Variants in PABIR1 observed in about 807,000 individuals in gnomAD.
PABIR1 encodes PP2A Aalpha (PPP2R1A) and B55A (PPP2R2A) interacting phosphatase regulator 1, also known as PPP2R1A-PPP2R2A-interacting phosphatase regulator 1.
PABIR1 carries 2 observed loss-of-function variants against 14.6 expected under a neutral mutation model. The ratio of observed to expected loss-of-function variants is 0.14; its 90% confidence interval spans 0.06 to 0.43. The LOEUF (loss-of-function observed/expected upper bound fraction) is 0.43. PABIR1 is among the 20% of genes least tolerant of loss of function. The pLI, the probability that PABIR1 is intolerant of heterozygous loss-of-function variation, is 0.99. For synonymous variants in PABIR1, 163 were observed against 155.4 expected (o/e 1.05, Z -0.36); for missense variants, 294 against 379.0 (o/e 0.78, Z 1.86).
At position 68,783,082 on chromosome 9, in the gene PABIR1, A is replaced by G. The variant is rs1831391142; in HGVS notation, c.*2054A>G. On this transcript the variant is annotated 3_prime_UTR_variant, in exon 1 of 1. Coordinates refer to ENST00000394264, the MANE Select transcript of PABIR1 (RefSeq NM_138333.5). ...TCTGTCTCCTTTTGGTTCAGTCTTT[A>G]TACTGCCTCTTGAGTAATCTTTCTG... 6.0e-6 allele frequency: 1 copy of G among 166,920 alleles called. No homozygotes were observed. Among genetic ancestry groups the G allele is most frequent in the Non-Finnish European group, 1.5e-5 (1 of 68,110 alleles). The allele number at this position is 166,920 out of a possible 1,614,324, so 10.3% of individuals were successfully genotyped here.
In PABIR1 at chr9:68,781,660, T is replaced by A; in HGVS notation, c.*632T>A. The stretch of plus-strand genomic sequence containing the variant: ...AATTAAGTATATAAAAGTAAACTTT[T>A]AAGAAAAACATTTTTAATGAGATTT... On this transcript the variant is annotated 3_prime_UTR_variant, in exon 1 of 1. Coordinates refer to ENST00000394264, the MANE Select transcript of PABIR1 (RefSeq NM_138333.5). 1 of 166,978 alleles carries A rather than the reference T, an allele frequency of 6.0e-6. No homozygotes were observed. 10.3% of individuals were successfully genotyped at this position (166,978 alleles called of 1,614,324 possible). A position where few individuals can be genotyped will look rare whatever the true frequency, so the allele number is the denominator to read the frequency against.
chr9:68,780,656 T>C lies in PABIR1; in HGVS notation c.492T>C (p.Phe164=). The change falls in exon 1 of 1, where the codon TTT becomes TTC. Residue 164 remains phenylalanine (F), a synonymous_variant. Coordinates refer to ENST00000394264, the MANE Select transcript of PABIR1 (RefSeq NM_138333.5). ...GTTTTTCGCCATCCTTGCAAAGTTT[T>C]GTAAGTAGCAACGGATTGCCTCCAA... The part of the protein sequence containing the change: ...KQCFSPSLQS[F]VSSNGLPPSP... The C allele has an allele frequency of 6.2e-7, 1 of 1,614,206 alleles. No homozygotes were observed. Among genetic ancestry groups the C allele is most frequent in the Non-Finnish European group, 8.5e-7 (1 of 1,180,038 alleles).
At position 68,780,537 on chromosome 9, in the gene PABIR1, GACA is replaced by G. The variant is rs1831204294; in HGVS notation, c.376_378del (p.Asn126del). 6.2e-7 allele frequency: 1 copy of G among 1,614,094 alleles called. No homozygotes were observed. The highest frequency in any genetic ancestry group is 1.3e-5 in the African/African-American group (1 of 74,936). The stretch of plus-strand genomic sequence containing the variant: ...CTGGGAGGAAAGTTTCAGCCTGAGT[GACA>G]ACGACGTGGAGAAATCCGCCTCCCC... On this transcript the variant is annotated inframe_deletion, in exon 1 of 1. Transcript: ENST00000394264.
rs1458661759 is a variant in PABIR1, at chr9:68,784,383, AAC to A, written c.*3359_*3360del. The stretch of plus-strand genomic sequence containing the variant: ...ATTTTCCTTTATTATGCTTGTTAAA[AAC>A]ACAGTATAAATGGGAGAAATCATTA... On this transcript the variant is annotated 3_prime_UTR_variant, in exon 1 of 1. Transcript: ENST00000394264. 1.8e-5 allele frequency: 3 copies of A among 167,110 alleles called. No homozygotes were observed. The highest frequency in any genetic ancestry group is 4.4e-5 in the Non-Finnish European group (3 of 68,132). The allele number at this position is 167,110 out of a possible 1,614,324, so 10.4% of individuals were successfully genotyped here.
chr9:68,781,194 C>A lies in PABIR1; in HGVS notation c.*166C>A. On this transcript the variant is annotated 3_prime_UTR_variant, in exon 1 of 1. Coordinates refer to ENST00000394264, the MANE Select transcript of PABIR1 (RefSeq NM_138333.5). Reference sequence around the variant, plus strand: ...TTCTAGAGAACTTCTATGTCAGGTTCCTTTGGATACCCTTGAATTCAGTGT... The same window carrying A: ...TTCTAGAGAACTTCTATGTCAGGTTACTTTGGATACCCTTGAATTCAGTGT... The A allele has an allele frequency of 1.2e-6, 1 of 848,528 alleles. No individual in the cohort carries two copies. The highest frequency in any genetic ancestry group is 1.8e-5 in the South Asian group (1 of 55,794). 52.6% of individuals were successfully genotyped at this position (848,528 alleles called of 1,614,324 possible).
chr9:68,780,078 CG>C lies in PABIR1; in HGVS notation c.-85del, dbSNP rs1160935367. The C allele has an allele frequency of 7.3e-7, 1 of 1,372,544 alleles. No individual in the cohort carries two copies. The highest frequency in any genetic ancestry group is 9.4e-7 in the Non-Finnish European group (1 of 1,058,546). 85.0% of individuals were successfully genotyped at this position (1,372,544 alleles called of 1,614,324 possible). On this transcript the variant is annotated 5_prime_UTR_variant, in exon 1 of 1. Coordinates refer to ENST00000394264, the MANE Select transcript of PABIR1 (RefSeq NM_138333.5). Reference sequence around the variant, plus strand: ...CAGCCCGCTGACAGATTCTCGGTGGCGGCGGCAGCGGCGGCGGCCCTGGACT... The same window carrying C: ...CAGCCCGCTGACAGATTCTCGGTGGCGCGGCAGCGGCGGCGGCCCTGGACT...
Position 68,780,075 on chromosome 9 carries a change from T to TGGCGGC in PABIR1, c.-86_-81dup. 2.8e-6 allele frequency: 4 copies of TGGCGGC among 1,428,058 alleles called. No individual in the cohort carries two copies. The highest frequency in any genetic ancestry group is 3.2e-5 in the South Asian group (2 of 61,932). 88.5% of individuals were successfully genotyped at this position (1,428,058 alleles called of 1,614,324 possible). ...GGCCAGCCCGCTGACAGATTCTCGG[T>TGGCGGC]GGCGGCGGCAGCGGCGGCGGCCCTG... On this transcript the variant is annotated 5_prime_UTR_variant, in exon 1 of 1. Coordinates refer to ENST00000394264, the MANE Select transcript of PABIR1 (RefSeq NM_138333.5).
In PABIR1 at chr9:68,782,628, TGC is replaced by T. The variant is rs1831359965; in HGVS notation, c.*1601_*1602del. On this transcript the variant is annotated 3_prime_UTR_variant, in exon 1 of 1. Coordinates refer to ENST00000394264, the MANE Select transcript of PABIR1 (RefSeq NM_138333.5). Reference sequence around the variant, plus strand: ...ATGGAACTGGTCAACTCTTGACAGTTGCCTCAAGATGGAGTGAAATTGCATCG... The same window carrying T: ...ATGGAACTGGTCAACTCTTGACAGTTCTCAAGATGGAGTGAAATTGCATCG... The T allele has an allele frequency of 6.0e-6, 1 of 167,086 alleles. No homozygotes were observed. The highest frequency in any genetic ancestry group is 2.4e-5 in the African/African-American group (1 of 41,462). 10.4% of individuals were successfully genotyped at this position (167,086 alleles called of 1,614,324 possible).
rs1831159070 is a variant in PABIR1, at chr9:68,780,090, C to T, written c.-75C>T. The T allele has an allele frequency of 4.3e-6, 6 of 1,387,186 alleles. No individual in the cohort carries two copies. Among genetic ancestry groups the T allele is most frequent in the East Asian group, 2.7e-5 (1 of 36,660 alleles). The allele number at this position is 1,387,186 out of a possible 1,614,324, so 85.9% of individuals were successfully genotyped here. A position where few individuals can be genotyped will look rare whatever the true frequency, so the allele number is the denominator to read the frequency against. On this transcript the variant is annotated 5_prime_UTR_variant, in exon 1 of 1. Transcript: ENST00000394264. ...AGATTCTCGGTGGCGGCGGCAGCGG[C>T]GGCGGCCCTGGACTGCGGGGAATGG...
In PABIR1 at chr9:68,784,221, C is replaced by A. The variant is rs1403729813; in HGVS notation, c.*3193C>A. ...GTAGACTGTAAGGGCTTACTTAGCT[C>A]GTGTAAGAATTATCCTTCAAAAAGC... On this transcript the variant is annotated 3_prime_UTR_variant, in exon 1 of 1. Transcript: ENST00000394264. 5 of 167,072 alleles carry A rather than the reference C, an allele frequency of 3.0e-5. No individual in the cohort carries two copies. Among genetic ancestry groups the A allele is most frequent in the Non-Finnish European group, 7.3e-5 (5 of 68,118 alleles). 10.3% of individuals were successfully genotyped at this position (167,072 alleles called of 1,614,324 possible). A position where few individuals can be genotyped will look rare whatever the true frequency, so the allele number is the denominator to read the frequency against.
rs535456694 is a variant in PABIR1, at chr9:68,781,834, A to G, written c.*806A>G. ...GCCTTGCAGTCTTTGCCCACTATAC[A>G]TAGGCTAAGGCTAAGCTCTTTGTAC... On this transcript the variant is annotated 3_prime_UTR_variant, in exon 1 of 1. Coordinates refer to ENST00000394264, the MANE Select transcript of PABIR1 (RefSeq NM_138333.5). The G allele has an allele frequency of 6.0e-6, 1 of 167,050 alleles. No individual in the cohort carries two copies. The highest frequency in any genetic ancestry group is 1.9e-4 in the East Asian group (1 of 5,184). The allele number at this position is 167,050 out of a possible 1,614,324, so 10.3% of individuals were successfully genotyped here. A position where few individuals can be genotyped will look rare whatever the true frequency, so the allele number is the denominator to read the frequency against.
chr9:68,780,097 C>G lies in PABIR1; in HGVS notation c.-68C>G, dbSNP rs3750377. 73,917 of 1,457,898 alleles carry G rather than the reference C, an allele frequency of 0.051. 2,536 individuals carry two copies. Among genetic ancestry groups the G allele is most frequent in the East Asian group, 0.18 (7,219 of 39,282 alleles). 90.3% of individuals were successfully genotyped at this position (1,457,898 alleles called of 1,614,324 possible). A position where few individuals can be genotyped will look rare whatever the true frequency, so the allele number is the denominator to read the frequency against. On this transcript the variant is annotated 5_prime_UTR_variant, in exon 1 of 1. Transcript: ENST00000394264. ...CGGTGGCGGCGGCAGCGGCGGCGGC[C>G]CTGGACTGCGGGGAATGGGAATCCT...
rs1831450603 is a variant in PABIR1, at chr9:68,783,877, T to C, written c.*2849T>C. On this transcript the variant is annotated 3_prime_UTR_variant, in exon 1 of 1. Transcript: ENST00000394264. The stretch of plus-strand genomic sequence containing the variant: ...GGACCTGATCCTTCCATCTCCCAGC[T>C]GAACGCTTTTCATTTGCTTCCTGTT... 1 of 167,090 alleles carries C rather than the reference T, an allele frequency of 6.0e-6. No individual in the cohort carries two copies. Among genetic ancestry groups the C allele is most frequent in the Non-Finnish European group, 1.5e-5 (1 of 68,140 alleles). 10.4% of individuals were successfully genotyped at this position (167,090 alleles called of 1,614,324 possible). A position where few individuals can be genotyped will look rare whatever the true frequency, so the allele number is the denominator to read the frequency against.
Position 68,780,516 on chromosome 9 carries a change from G to A in PABIR1, c.352G>A (p.Glu118Lys), listed in dbSNP as rs1194849050. ...CGCAATGCAGATAAGCCACTCCTGG[G>A]AGGAAAGTTTCAGCCTGAGTGACAA... is the stretch of plus-strand genomic sequence containing the variant. ...QTAMQISHSW[E>K]ESFSLSDNDV... The change falls in exon 1 of 1, where the codon GAG becomes AAG. Residue 118 changes from glutamate (E) to lysine (K), a missense_variant. Around this residue, in one of 3 missense-constraint regions of PABIR1, gnomAD observed 103 missense variants for 175.9 expected, o/e 0.59. Coordinates refer to ENST00000394264, the MANE Select transcript of PABIR1 (RefSeq NM_138333.5). 4 of 1,614,224 alleles carry A rather than the reference G, an allele frequency of 2.5e-6. No individual in the cohort carries two copies. The highest frequency in any genetic ancestry group is 3.4e-6 in the Non-Finnish European group (4 of 1,180,040).
Position 68,780,085 on chromosome 9 carries a change from A to AGCGGCG in PABIR1, c.-74_-69dup. Reference sequence around the variant, plus strand: ...CTGACAGATTCTCGGTGGCGGCGGCAGCGGCGGCGGCCCTGGACTGCGGGG... The same window carrying AGCGGCG: ...CTGACAGATTCTCGGTGGCGGCGGCAGCGGCGGCGGCGGCGGCCCTGGACTGCGGGG... On this transcript the variant is annotated 5_prime_UTR_variant, in exon 1 of 1. Coordinates refer to ENST00000394264, the MANE Select transcript of PABIR1 (RefSeq NM_138333.5). 7.0e-7 allele frequency: 1 copy of AGCGGCG among 1,424,352 alleles called. No homozygotes were observed. Among genetic ancestry groups the AGCGGCG allele is most frequent in the African/African-American group, 1.5e-5 (1 of 67,450 alleles). The allele number at this position is 1,424,352 out of a possible 1,614,324, so 88.2% of individuals were successfully genotyped here.
Position 68,780,096 on chromosome 9 carries a change from C to CATCAAAAAA in PABIR1, c.-69_-68insATCAAAAAA. On this transcript the variant is annotated 5_prime_UTR_variant, in exon 1 of 1. Transcript: ENST00000394264. ...TCGGTGGCGGCGGCAGCGGCGGCGG[C>CATCAAAAAA]CCTGGACTGCGGGGAATGGGAATCC... 5 of 1,430,374 alleles carry CATCAAAAAA rather than the reference C, an allele frequency of 3.5e-6. No individual in the cohort carries two copies. Among genetic ancestry groups the CATCAAAAAA allele is most frequent in the Admixed American group, 2.9e-5 (1 of 34,536 alleles). 88.6% of individuals were successfully genotyped at this position (1,430,374 alleles called of 1,614,324 possible). A position where few individuals can be genotyped will look rare whatever the true frequency, so the allele number is the denominator to read the frequency against.
In PABIR1 at chr9:68,781,995, A is replaced by G. The variant is rs540435458; in HGVS notation, c.*967A>G. On this transcript the variant is annotated 3_prime_UTR_variant, in exon 1 of 1. Coordinates refer to ENST00000394264, the MANE Select transcript of PABIR1 (RefSeq NM_138333.5). ...ATTCAGTTGTGCCTCAGTTCCAGAA[A>G]TTATTGCCAAACAGGAGCCACAGCA... The G allele has an allele frequency of 2.4e-5, 4 of 167,176 alleles. No individual in the cohort carries two copies. In the South Asian group the frequency reaches 8.3e-4, roughly 35 times the overall value. The allele number at this position is 167,176 out of a possible 1,614,324, so 10.4% of individuals were successfully genotyped here. A position where few individuals can be genotyped will look rare whatever the true frequency, so the allele number is the denominator to read the frequency against.
At position 68,782,181 on chromosome 9, in the gene PABIR1, C is replaced by T. The variant is rs1587439440; in HGVS notation, c.*1153C>T. 1 of 167,172 alleles carries T rather than the reference C, an allele frequency of 6.0e-6. No homozygotes were observed. Among genetic ancestry groups the T allele is most frequent in the East Asian group, 1.9e-4 (1 of 5,186 alleles). 10.4% of individuals were successfully genotyped at this position (167,172 alleles called of 1,614,324 possible). A position where few individuals can be genotyped will look rare whatever the true frequency, so the allele number is the denominator to read the frequency against. On this transcript the variant is annotated 3_prime_UTR_variant, in exon 1 of 1. Transcript: ENST00000394264. The stretch of plus-strand genomic sequence containing the variant: ...CAAAGGTACAGTGTAACTTGGGTTT[C>T]TGACAGCAACAACAGGACTGTGAAT...
Position 68,782,313 on chromosome 9 carries a change from G to A in PABIR1, c.*1285G>A, listed in dbSNP as rs1249518770. 5 of 166,976 alleles carry A rather than the reference G, an allele frequency of 3.0e-5. No individual in the cohort carries two copies. The highest frequency in any genetic ancestry group is 1.2e-4 in the African/African-American group (5 of 41,430). The allele number at this position is 166,976 out of a possible 1,614,324, so 10.3% of individuals were successfully genotyped here. A position where few individuals can be genotyped will look rare whatever the true frequency, so the allele number is the denominator to read the frequency against. Reference sequence around the variant, plus strand: ...GAGAAAATTAGTGGAGAGTCACATAGGTAAATCATTATTTAACTTAGGTTT... The same window carrying A: ...GAGAAAATTAGTGGAGAGTCACATAAGTAAATCATTATTTAACTTAGGTTT... On this transcript the variant is annotated 3_prime_UTR_variant, in exon 1 of 1. Transcript: ENST00000394264.
Sources: allele counts gnomAD v4.1 joint callset, GRCh38; gene constraint gnomAD v4.1.1; regional missense constraint gnomAD v4.1.1; transcripts MANE v1.5; gene names NCBI Gene and HGNC (gene_info 2026-07-23, HGNC 2026-07-21).